The following UBE3C variants were observed in gnomAD, a reference collection of about 807,000 sequenced individuals.
UBE3C encodes ubiquitin-protein ligase E3C.
A neutral mutation model predicts 129.4 loss-of-function variants in UBE3C; 42 were observed. The observed-to-expected ratio is 0.32, with a 90% CI of 0.25 to 0.42. UBE3C has a LOEUF of 0.42. Among genes scored for constraint, UBE3C ranks in the 10% least tolerant of loss-of-function variants. The pLI, the probability that UBE3C is intolerant of heterozygous loss-of-function variation, is 1.00. For missense variants in UBE3C, 1,049 were observed against 1,319.1 expected, an observed-to-expected ratio of 0.80 and a Z score of 3.17; for synonymous variants, 510 against 492.4, an observed-to-expected ratio of 1.04 and a Z score of -0.47.
At chr7:157,184,854 TA>T (rs1190923026) in intron 9 of UBE3C, among the ~76,000 whole-genome samples, 1 of 152,078 alleles carries the variant, frequency 6.6e-6, no homozygotes, top group Non-Finnish European at 1.5e-5. Flanking sequence ...TGATTTTTTT[TA>T]AAAAATAAGA....
intron 4 of UBE3C, among the ~76,000 whole-genome samples, chr7:157,171,676 ATATATATATATTTTTTTTTTTTTTTTTT>A: frequency 6.7e-5 from 2 of 29,736 alleles, no homozygotes; most frequent in African/African-American, 2.0e-4. Flanking sequence ...ATATATATAT[ATATATATATATTTTTTTTTTTTTTTTTT>A]TTTTTTTTTT....
chr7:157,229,928 T>A (rs10250039), intron 17 of UBE3C, among the ~76,000 whole-genome samples: 50,913 of 97,534 alleles, frequency 0.52, 11,646 homozygotes, highest in African/African-American at 0.69. Context: ...TTATTTATTT[T>A]TTTTTTTTTT....
intron 17 of UBE3C, among the ~76,000 whole-genome samples, chr7:157,227,213 T>G (rs1220443598): frequency 6.6e-6 from 1 of 152,060 alleles, no homozygotes. Flanking sequence ...AGTGAGATGT[T>G]TAACCTTGAA....
At chr7:157,248,660 AC>A (rs2116681487) in intron 19 of UBE3C, 80 bp downstream of exon 19, 2 of 1,446,304 alleles carry the variant, frequency 1.4e-6, no homozygotes, top group South Asian at 2.4e-5. Flanking sequence ...CATTTGTGTT[AC>A]AGCGTTTGAC....
chr7:157,257,118 T>G (rs1796772071), intron 22 of UBE3C, 74 bp downstream of exon 22: 1 of 1,574,654 alleles, frequency 6.4e-7, no homozygotes, highest in South Asian at 1.2e-5. Flanking sequence ...TCAGTAGGGT[T>G]AAATGAAGTC....
At position 157,216,950 on chromosome 7, in the gene UBE3C, A is replaced by G. The variant is rs1407397466; in HGVS notation, c.1893A>G (p.Gln631=). 1 of 1,613,862 alleles carries G rather than the reference A, an allele frequency of 6.2e-7. No individual in the cohort carries two copies. The highest frequency in any genetic ancestry group is 8.5e-7 in the Non-Finnish European group (1 of 1,179,848). The part of the protein sequence containing the change: ...FCPPNHWLSE[Q]EDIKADKVTQ... ...CTCCAAACCACTGGCTGTCAGAACA[A>G]GAAGATATTAAAGCAGATAAGGTGT... The change falls in exon 14 of 23, where the codon CAA becomes CAG. Residue 631 remains glutamine (Q), a synonymous_variant. Coordinates refer to ENST00000348165, the MANE Select transcript of UBE3C (RefSeq NM_014671.3).
At chr7:157,157,979 T>G (rs1485002003) in intron 1 of UBE3C, among the ~76,000 whole-genome samples, 1 of 139,438 alleles carries the variant, frequency 7.2e-6, no homozygotes, top group Non-Finnish European at 1.5e-5. Flanking sequence ...TATAGATATA[T>G]ATATATATAG....
chr7:157,150,952 A>G (rs894530784), intron 1 of UBE3C, among the ~76,000 whole-genome samples: 6 of 152,216 alleles, frequency 3.9e-5, no homozygotes, highest in Non-Finnish European at 8.8e-5. Flanking sequence ...GGCCGTTGGC[A>G]GGAGAGTCAG....
intron 20 of UBE3C, 34 bp from the exon 21 acceptor site, chr7:157,254,210 C>T (rs1312813302): frequency 6.2e-7 from 1 of 1,610,040 alleles, no homozygotes; most frequent in Non-Finnish European, 8.5e-7. Context: ...TTAAAATTTA[C>T]CTCAAATGTT....
chr7:157,265,397 G>A (rs145979991), intron 22 of UBE3C, among the ~76,000 whole-genome samples: 2 of 152,362 alleles, frequency 1.3e-5, no homozygotes, highest in African/African-American at 4.8e-5. Context: ...CGAGGAAGGT[G>A]GAGTCACCGG....
At chr7:157,195,224 G>T (rs549994844) in intron 10 of UBE3C, among the ~76,000 whole-genome samples, 1 of 152,206 alleles carries the variant, frequency 6.6e-6, no homozygotes, top group Non-Finnish European at 1.5e-5. Context: ...GGAAAGATAT[G>T]TGAGGAGCCT....
rs1245990205 is a variant in UBE3C, at chr7:157,156,827, C to T, written c.67-6983C>T. Among the ~76,000 whole-genome samples the T allele has an allele frequency of 1.3e-5, 2 of 151,880 alleles. 1 individual carries two copies. Among genetic ancestry groups the T allele is most frequent in the East Asian group, 3.9e-4 (2 of 5,180 alleles). On this transcript the variant is annotated intron_variant, in intron 1 of 22. Coordinates refer to ENST00000348165, the MANE Select transcript of UBE3C (RefSeq NM_014671.3). Reference sequence around the variant, plus strand: ...TCCTGATCAGTAGATAGATCTACCACATTCCTTTAAAGAGCTATATGATAT... The same window carrying T: ...TCCTGATCAGTAGATAGATCTACCATATTCCTTTAAAGAGCTATATGATAT...
intron 10 of UBE3C, chr7:157,192,479 C>A: frequency 1.3e-6 from 1 of 755,566 alleles, no homozygotes. Context: ...AGGAATTCCT[C>A]CTGATCAGCA....
At chr7:157,141,953 A>G (rs1807465362) in intron 1 of UBE3C, among the ~76,000 whole-genome samples, 1 of 152,138 alleles carries the variant, frequency 6.6e-6, no homozygotes, top group Non-Finnish European at 1.5e-5. Flanking sequence ...GTCCTAGATG[A>G]TACGCATGTT....
chr7:157,254,413 T>TCAGAC, intron 21 of UBE3C, 103 bp downstream of exon 21: 1 of 667,670 alleles, frequency 1.5e-6, no homozygotes, highest in Non-Finnish European at 2.0e-6. Context: ...TTTTTTTTTT[T>TCAGAC]TCAGACTGAG....
At chr7:157,174,084 C>T (rs1023150443) in intron 4 of UBE3C, among the ~76,000 whole-genome samples, 4 of 152,186 alleles carry the variant, frequency 2.6e-5, no homozygotes, top group East Asian at 3.9e-4. Context: ...CTATCTTTGC[C>T]GAGGGTGGTG....
At position 157,172,870 on chromosome 7, in the gene UBE3C, T is replaced by C. The variant is rs3802128; in HGVS notation, c.343-2049T>C. ...GATTGGTGTCTCTCCAGAGCACCTATTGCCTTTGAGTGAGGTCCTCAATCT... is the reference window on the plus strand; with the variant it reads ...GATTGGTGTCTCTCCAGAGCACCTACTGCCTTTGAGTGAGGTCCTCAATCT... On this transcript the variant is annotated intron_variant, in intron 4 of 22. Transcript: ENST00000348165. Among the ~76,000 whole-genome samples, 509 of 152,334 alleles carry C rather than the reference T, an allele frequency of 3.3e-3. 16 individuals carry two copies. The South Asian group carries it at 0.046, about 14-fold the overall frequency.
At chr7:157,222,489 GC>G (rs1795764931) in intron 15 of UBE3C, 1 of 152,030 alleles carries the variant, frequency 6.6e-6, no homozygotes, top group Admixed American at 6.6e-5. Flanking sequence ...TGCAATCACA[GC>G]TCACTGCAGC....
intron 7 of UBE3C, 51 bp from the exon 8 acceptor site, chr7:157,182,057 G>C: frequency 6.8e-7 from 1 of 1,474,482 alleles, no homozygotes; most frequent in Non-Finnish European, 9.1e-7. Flanking sequence ...TCAGTGATTG[G>C]ATGGACAGTA....
Sources: gnomAD v4.1 joint callset for allele counts (sites outside exome capture counted in the v4.1 genomes callset) on GRCh38, gnomAD v4.1.1 for gene constraint, MANE v1.5 for transcripts, NCBI Gene and HGNC (gene_info 2026-07-23, HGNC 2026-07-21) for gene names.